HHIP: variants seen among roughly 807,000 people sequenced by gnomAD.
The protein encoded by HHIP is hedgehog interacting protein.
In HHIP, 12 loss-of-function variants were observed where a neutral mutation model predicts 74.0. The ratio of observed to expected loss-of-function variants is 0.16; its 90% CI spans 0.10 to 0.26. HHIP has a LOEUF of 0.26. Among genes scored for constraint, HHIP ranks in the 10% least tolerant of loss-of-function variants. HHIP has a pLI of 1.00. For missense variants in HHIP, 788 were observed against 845.0 expected (o/e 0.93, Z 0.84); for synonymous variants, 309 against 311.6 (o/e 0.99, Z 0.09).
chr4:144,665,883 G>C (rs1728847226), intron 4 of HHIP, among the ~76,000 whole-genome samples: 1 of 152,168 alleles, frequency 6.6e-6, no homozygotes, highest in Non-Finnish European at 1.5e-5. Flanking sequence ...GGTGAGGAAA[G>C]TTTTTACATT....
intron 10 of HHIP, 85 bp downstream of exon 10, chr4:144,715,515 A>C (rs551773598): frequency 5.6e-4 from 704 of 1,266,944 alleles, no homozygotes; most frequent in Non-Finnish European, 6.7e-4. Context: ...TAAATACAGC[A>C]ATCTTATCCT....
At chr4:144,671,248 G>A (rs1469911632) in intron 4 of HHIP, among the ~76,000 whole-genome samples, 1 of 151,922 alleles carries the variant, frequency 6.6e-6, no homozygotes, top group Admixed American at 6.6e-5. Context: ...CCTATAGTTG[G>A]CATAGCTCTT....
chr4:144,678,543 C>A (rs547995669), intron 4 of HHIP, among the ~76,000 whole-genome samples: 1 of 152,012 alleles, frequency 6.6e-6, no homozygotes, highest in Non-Finnish European at 1.5e-5. Flanking sequence ...CCTCCCCTAG[C>A]CCCCCATCCC....
At chr4:144,721,755 T>C (rs767872424) in intron 11 of HHIP, among the ~76,000 whole-genome samples, 4 of 151,958 alleles carry the variant, frequency 2.6e-5, no homozygotes, top group African/African-American at 9.7e-5. Flanking sequence ...TACAAAAAAT[T>C]AGCTGGGCAT....
At chr4:144,678,006 G>C (rs1018367128) in intron 4 of HHIP, among the ~76,000 whole-genome samples, 2 of 152,126 alleles carry the variant, frequency 1.3e-5, no homozygotes, top group African/African-American at 4.8e-5. Context: ...GACTGACTTA[G>C]TAACTTCTAA....
At position 144,674,975 on chromosome 4, in the gene HHIP, T is replaced by C. The variant is rs570836587; in HGVS notation, c.831+15137T>C. 4.6e-5 allele frequency among the ~76,000 whole-genome samples: 7 copies of C among 152,308 alleles called. No individual in the cohort carries two copies. In the East Asian group the frequency reaches 1.3e-3, roughly 29 times the overall value. ...TTCATCTAACCTTTGTGTTTCTAAT[T>C]CTAAATTTCTGGGAGGCAGTTAGTC... On this transcript the variant is annotated intron_variant, in intron 4 of 12. Transcript: ENST00000296575.
At position 144,668,943 on chromosome 4, in the gene HHIP, T is replaced by C. The variant is rs769062467; in HGVS notation, c.831+9105T>C. 7.0e-4 allele frequency among the ~76,000 whole-genome samples: 107 copies of C among 152,096 alleles called. 2 individuals carry two copies. Among genetic ancestry groups the C allele is most frequent in the Middle Eastern group, 6.9e-3 (2 of 288 alleles). On this transcript the variant is annotated intron_variant, in intron 4 of 12. Coordinates refer to ENST00000296575, the MANE Select transcript of HHIP (RefSeq NM_022475.3). The stretch of plus-strand genomic sequence containing the variant: ...ATGACCAACTTTGGAAGTTTGTCTA[T>C]GTAGTGTAAGGCTTTTAACAGACTT...
intron 4 of HHIP, among the ~76,000 whole-genome samples, chr4:144,679,275 T>C (rs1355571014): frequency 6.6e-6 from 1 of 152,234 alleles, no homozygotes; most frequent in Non-Finnish European, 1.5e-5. Flanking sequence ...TTCTGGATAT[T>C]AGCCCTTTGT....
At chr4:144,671,662 T>A (rs975300581) in intron 4 of HHIP, among the ~76,000 whole-genome samples, 1 of 152,208 alleles carries the variant, frequency 6.6e-6, no homozygotes, top group Admixed American at 6.5e-5. Flanking sequence ...TCTTCGGGGA[T>A]CATGACGGCC....
chr4:144,658,543 AT>A (rs1405390523), intron 2 of HHIP, among the ~76,000 whole-genome samples: 1 of 151,590 alleles, frequency 6.6e-6, no homozygotes, highest in Non-Finnish European at 1.5e-5. Context: ...TAATTTTTAT[AT>A]TTTTAGTAGA....
chr4:144,654,161 G>T (rs921660787), intron 2 of HHIP, among the ~76,000 whole-genome samples: 2 of 152,060 alleles, frequency 1.3e-5, no homozygotes, highest in African/African-American at 2.4e-5. Flanking sequence ...AACTGTGGGG[G>T]TCTTTATATA....
intron 4 of HHIP, among the ~76,000 whole-genome samples, chr4:144,667,161 C>T (rs1014629030): frequency 3.9e-5 from 6 of 152,216 alleles, no homozygotes; most frequent in South Asian, 2.1e-4. Flanking sequence ...CCAGCTTTAT[C>T]AACATAGCGA....
chr4:144,707,646 C>CAAAAAAAAAAAA (rs6148709), intron 6 of HHIP, among the ~76,000 whole-genome samples: 1,375 of 57,124 alleles, frequency 0.024, 395 homozygotes, highest in African/African-American at 0.084. Flanking sequence ...AGAACAGAGG[C>CAAAAAAAAAAAA]AAAAAAAAAA....
chr4:144,687,655 CA>C (rs764556851), intron 4 of HHIP, among the ~76,000 whole-genome samples: 15 of 151,186 alleles, frequency 9.9e-5, no homozygotes, highest in Non-Finnish European at 1.8e-4. Context: ...TCATCCCTTA[CA>C]CAATCAGTTG....
At chr4:144,674,297 G>A (rs894949846) in intron 4 of HHIP, among the ~76,000 whole-genome samples, 2 of 152,144 alleles carry the variant, frequency 1.3e-5, no homozygotes, top group African/African-American at 4.8e-5. Flanking sequence ...TTAACTTCTA[G>A]CAATTTTTTA....
At chr4:144,675,752 T>C (rs1022678253) in intron 4 of HHIP, among the ~76,000 whole-genome samples, 1 of 152,134 alleles carries the variant, frequency 6.6e-6, no homozygotes, top group South Asian at 2.1e-4. Context: ...AATATAAACT[T>C]TTCTAAAAAA....
intron 1 of HHIP, among the ~76,000 whole-genome samples, chr4:144,647,774 T>A (rs1472960107): frequency 6.6e-6 from 1 of 152,224 alleles, no homozygotes. Flanking sequence ...GGAGATGCAG[T>A]CATGGGTGGT....
chr4:144,660,193 T>A (rs2126589795), intron 4 of HHIP: 1 of 329,110 alleles, frequency 3.0e-6, no homozygotes, highest in South Asian at 1.5e-4. Context: ...AGAGGTCTTT[T>A]GGTTATTTTG....
At chr4:144,682,626 G>C (rs192758252) in intron 4 of HHIP, among the ~76,000 whole-genome samples, 1 of 152,360 alleles carries the variant, frequency 6.6e-6, no homozygotes, top group East Asian at 1.9e-4. Flanking sequence ...TTTGGGAAGA[G>C]AGACTGAAAT....
Sources: gnomAD v4.1 joint callset for allele counts (sites outside exome capture counted in the v4.1 genomes callset) on GRCh38, gnomAD v4.1.1 for gene constraint, MANE v1.5 for transcripts, NCBI Gene and HGNC (gene_info 2026-07-23, HGNC 2026-07-21) for gene names.